SPON1: variants seen among roughly 807,000 people sequenced by gnomAD.
SPON1 encodes the protein spondin 1.
A neutral mutation model predicts 111.7 loss-of-function variants in SPON1; 52 were observed. The observed-to-expected ratio is 0.47, with a 90% CI of 0.37 to 0.59. The LOEUF (loss-of-function observed/expected upper bound fraction) is 0.59. SPON1 is among the 20% of genes least tolerant of loss of function. The pLI, the probability that SPON1 is intolerant of heterozygous loss-of-function variation, is 0.00. For synonymous variants in SPON1, 410 were observed against 395.8 expected, an observed-to-expected ratio of 1.04 and a Z score of -0.43; for missense variants, 957 against 1,068.5, an observed-to-expected ratio of 0.90 and a Z score of 1.46.
At chr11:14,034,703 CTT>C (rs1449391829) in intron 2 of SPON1, among the ~76,000 whole-genome samples, 1 of 152,192 alleles carries the variant, frequency 6.6e-6, no homozygotes, top group Non-Finnish European at 1.5e-5. Context: ...AGAGCATGGA[CTT>C]TGGCTTCAGA....
At chr11:14,202,575 C>T (rs756332604) in intron 6 of SPON1, among the ~76,000 whole-genome samples, 4 of 152,174 alleles carry the variant, frequency 2.6e-5, no homozygotes, top group Non-Finnish European at 5.9e-5. Context: ...CTCCAGGACT[C>T]TGTTTTCCAA....
intron 6 of SPON1, among the ~76,000 whole-genome samples, chr11:14,181,612 T>C (rs1370739121): frequency 2.6e-5 from 4 of 152,236 alleles, no homozygotes; most frequent in African/African-American, 9.6e-5. Flanking sequence ...AAGGGCATTG[T>C]GGTCGCACAG....
intron 14 of SPON1, 166 bp from the exon 15 acceptor site, chr11:14,262,546 T>C: frequency 1.2e-6 from 1 of 866,174 alleles, no homozygotes; most frequent in Non-Finnish European, 1.8e-6. Flanking sequence ...CCACACGGGC[T>C]GAAGTCAGCC....
intron 2 of SPON1, among the ~76,000 whole-genome samples, chr11:14,019,914 G>A (rs1848468960): frequency 6.6e-6 from 1 of 152,140 alleles, no homozygotes; most frequent in Non-Finnish European, 1.5e-5. Context: ...TGTCAGAGAG[G>A]AAAATCCCAG....
intron 1 of SPON1, among the ~76,000 whole-genome samples, chr11:13,971,413 A>G (rs1189251371): frequency 1.3e-5 from 2 of 152,234 alleles, no homozygotes; most frequent in Non-Finnish European, 2.9e-5. Flanking sequence ...TTATTGAGCC[A>G]TCAAACCTAG....
intron 2 of SPON1, among the ~76,000 whole-genome samples, chr11:14,004,916 C>T (rs1322566116): frequency 1.3e-5 from 2 of 152,116 alleles, no homozygotes; most frequent in Non-Finnish European, 2.9e-5. Context: ...AAGTGATCCT[C>T]CTGCCTGGGT....
chr11:14,022,964 C>T (rs781847775), intron 2 of SPON1, among the ~76,000 whole-genome samples: 11 of 152,178 alleles, frequency 7.2e-5, no homozygotes, highest in African/African-American at 1.4e-4. Flanking sequence ...TAAATTTGTT[C>T]CTCCCTCTTT....
At chr11:14,022,142 G>A (rs191012489) in intron 2 of SPON1, among the ~76,000 whole-genome samples, 8 of 152,312 alleles carry the variant, frequency 5.3e-5, no homozygotes, top group East Asian at 3.9e-4. Flanking sequence ...GCAGAGGGTC[G>A]TTATGAATTG....
chr11:14,008,243 T>C (rs1444383530), intron 2 of SPON1, among the ~76,000 whole-genome samples: 3 of 152,210 alleles, frequency 2.0e-5, no homozygotes, highest in African/African-American at 4.8e-5. Flanking sequence ...AGAAGGAGTA[T>C]ATGGGAGGAG....
At chr11:14,147,620 T>A (rs1374686472) in intron 6 of SPON1, among the ~76,000 whole-genome samples, 1 of 151,998 alleles carries the variant, frequency 6.6e-6, no homozygotes, top group Non-Finnish European at 1.5e-5. Flanking sequence ...TTTCACCATG[T>A]TGGCCAGGCT....
rs1849287321 is a variant in SPON1, at chr11:14,267,668, C to G, written c.*1981C>G. ...ATGGCTAAGAATGGGTAACATGACT[C>G]TTGTTGGATTGTTATTTTTTGTTTG... On this transcript the variant is annotated 3_prime_UTR_variant, in exon 16 of 16. Transcript: ENST00000576479. 1 of 152,154 alleles carries G rather than the reference C, an allele frequency of 6.6e-6. No homozygotes were observed. Among genetic ancestry groups the G allele is most frequent in the Non-Finnish European group, 1.5e-5 (1 of 68,028 alleles). The allele number at this position is 152,154 out of a possible 1,614,324, so 9.4% of individuals were successfully genotyped here.
chr11:14,130,619 A>G (rs1212001461), intron 5 of SPON1, among the ~76,000 whole-genome samples: 5 of 151,902 alleles, frequency 3.3e-5, no homozygotes, highest in Non-Finnish European at 7.4e-5. Flanking sequence ...ACTATTGTCA[A>G]ATAGTTTAAA....
intron 1 of SPON1, among the ~76,000 whole-genome samples, chr11:13,973,496 A>C (rs185461955): frequency 6.6e-6 from 1 of 152,182 alleles, no homozygotes; most frequent in Non-Finnish European, 1.5e-5. Flanking sequence ...GGACCCATTC[A>C]TCTGGCTCTG....
intron 2 of SPON1, among the ~76,000 whole-genome samples, chr11:14,013,877 C>A (rs1474476481): frequency 6.6e-6 from 1 of 152,154 alleles, no homozygotes; most frequent in African/African-American, 2.4e-5. Context: ...GCCCATACAG[C>A]AATGATTTCC....
chr11:13,996,612 GAAATAA>G (rs1303610654), intron 2 of SPON1, among the ~76,000 whole-genome samples: 1 of 151,898 alleles, frequency 6.6e-6, no homozygotes, highest in East Asian at 1.9e-4. Flanking sequence ...AGATAAAAAA[GAAATAA>G]AAATATGTCA....
chr11:14,093,146 A>G (rs1166101682), intron 5 of SPON1, among the ~76,000 whole-genome samples: 1 of 152,226 alleles, frequency 6.6e-6, no homozygotes, highest in African/African-American at 2.4e-5. Flanking sequence ...TCCTGAGTGG[A>G]GTTCATGGAC....
At chr11:14,137,276 C>T (rs1554928196) in intron 6 of SPON1, among the ~76,000 whole-genome samples, 1 of 152,212 alleles carries the variant, frequency 6.6e-6, no homozygotes, top group Non-Finnish European at 1.5e-5. Flanking sequence ...CTGCCAGCCT[C>T]AGAATCCCTC....
At chr11:14,079,487 G>A (rs1182518930) in intron 4 of SPON1, among the ~76,000 whole-genome samples, 1 of 151,986 alleles carries the variant, frequency 6.6e-6, no homozygotes, top group Non-Finnish European at 1.5e-5. Context: ...ATATTTCCTA[G>A]AGAAAGCACA....
At chr11:14,219,856 A>G (rs1848662171) in intron 6 of SPON1, among the ~76,000 whole-genome samples, 1 of 152,178 alleles carries the variant, frequency 6.6e-6, no homozygotes, top group Non-Finnish European at 1.5e-5. Flanking sequence ...GCAATATTCC[A>G]TTAAGATTAT....
Sources: allele counts gnomAD v4.1 joint callset (sites outside exome capture counted in the v4.1 genomes callset), GRCh38; gene constraint gnomAD v4.1.1; transcripts MANE v1.5; gene names NCBI Gene and HGNC (gene_info 2026-07-23, HGNC 2026-07-21).